LAMA3: variants seen among roughly 807,000 people sequenced by gnomAD.
LAMA3 encodes laminin subunit alpha 3.
Under a neutral mutation model 402.0 loss-of-function variants are expected in LAMA3, and 281 were observed. The ratio of observed to expected loss-of-function variants is 0.70; its 90% confidence interval spans 0.63 to 0.77. LAMA3 has a LOEUF of 0.77. Ranked by LOEUF, LAMA3 falls within the 30% of genes least tolerant of loss-of-function variation. LAMA3 has a pLI of 0.00. For synonymous variants in LAMA3, 1,431 were observed against 1,558.4 expected (o/e 0.92, Z 1.93); for missense variants, 3,840 against 4,215.5 (o/e 0.91, Z 2.47).
intron 29 of LAMA3, 40 bp from the exon 30 acceptor site, chr18:23,844,969 T>A (rs749321682): frequency 8.8e-7 from 1 of 1,132,556 alleles, no homozygotes; most frequent in Non-Finnish European, 1.3e-6. Context: ...GTCTGTGTCA[T>A]CATTGGAAAT....
At chr18:23,836,920 G>C in intron 24 of LAMA3, 61 bp from the exon 25 acceptor site, 1 of 1,195,842 alleles carries the variant, frequency 8.4e-7, no homozygotes, top group Non-Finnish European at 1.2e-6. Flanking sequence ...AACCCAGAAG[G>C]ATGTGCAGAA....
At chr18:23,944,628 G>A (rs2082642167) in intron 69 of LAMA3, among the ~76,000 whole-genome samples, 1 of 152,210 alleles carries the variant, frequency 6.6e-6, no homozygotes, top group African/African-American at 2.4e-5. Flanking sequence ...GGTACAGCAG[G>A]TGGTAGTCAC....
intron 20 of LAMA3, 86 bp downstream of exon 20, chr18:23,822,461 C>T: frequency 7.0e-7 from 1 of 1,426,024 alleles, no homozygotes; most frequent in Non-Finnish European, 9.8e-7. Flanking sequence ...CAAAGTTGAT[C>T]ACCCTTAGAA....
intron 10 of LAMA3, 33 bp downstream of exon 10, chr18:23,775,956 T>G (rs1598768014): frequency 6.2e-6 from 10 of 1,612,514 alleles, no homozygotes; most frequent in Non-Finnish European, 8.5e-6. Flanking sequence ...GAGGCCACCC[T>G]TTTTGGTCCA....
intron 64 of LAMA3, 148 bp downstream of exon 64, chr18:23,928,913 C>T (rs1319020300): frequency 1.4e-5 from 11 of 784,592 alleles, no homozygotes; most frequent in South Asian, 6.0e-5. Context: ...CAACCATAAA[C>T]GTTATTCCCC....
At chr18:23,741,755 G>A (rs998157176) in intron 2 of LAMA3, among the ~76,000 whole-genome samples, 4 of 152,150 alleles carry the variant, frequency 2.6e-5, no homozygotes. Flanking sequence ...TTTGAAGCAA[G>A]TGATGAAACT....
rs748348773 is a variant in LAMA3 at position 23,740,956 on chromosome 18, C to CT, written c.448-6972dup. ...ACTCCTTAGACCTAAACCAAGCACA[C>CT]TTTTTTTTTTTTTTTGAGACAGAGT... On this transcript the variant is annotated intron_variant, in intron 2 of 74. Transcript: ENST00000313654. Among the ~76,000 whole-genome samples, 380 of 141,720 alleles carry CT rather than the reference C, an allele frequency of 2.7e-3. 1 individual carries two copies. Among genetic ancestry groups the CT allele is most frequent in the Admixed American group, 4.5e-3 (63 of 14,058 alleles). 93.0% of individuals were successfully genotyped at this position (141,720 alleles called of 152,430 possible).
Position 23,867,889 on chromosome 18 carries a change from T to C in LAMA3, c.4739T>C (p.Leu1580Pro), listed in dbSNP as rs756194113. 1 of 1,614,004 alleles carries C rather than the reference T, an allele frequency of 6.2e-7. No individual in the cohort carries two copies. The highest frequency in any genetic ancestry group is 8.5e-7 in the Non-Finnish European group (1 of 1,179,984). The change falls in exon 37 of 75, where the codon CTG (leucine) becomes CCG (proline). Residue 1580 changes from leucine (L) to proline (P), a missense_variant. Transcript: ENST00000313654. ...ACAAACACCCCACGGCCAGACCGGC[T>C]GCATCATGGACGAGTGCACGTGGTC... Reference protein sequence around the residue: ...EETNTPRPDRLHHGRVHVVEG... With the variant: ...EETNTPRPDRPHHGRVHVVEG...
At chr18:23,877,375 T>C (rs560614440) in intron 39 of LAMA3, among the ~76,000 whole-genome samples, 7 of 152,362 alleles carry the variant, frequency 4.6e-5, no homozygotes, top group African/African-American at 1.7e-4. Context: ...ATTCTGCTTT[T>C]TTCTTTTGTT....
chr18:23,747,124 C>T (rs1405569385), intron 2 of LAMA3, among the ~76,000 whole-genome samples: 1 of 152,026 alleles, frequency 6.6e-6, no homozygotes, highest in Non-Finnish European at 1.5e-5. Flanking sequence ...AATCCTCACT[C>T]ATTAACACAT....
chr18:23,703,605 A>G (rs1015519646), intron 1 of LAMA3, among the ~76,000 whole-genome samples: 1 of 152,136 alleles, frequency 6.6e-6, no homozygotes, highest in Non-Finnish European at 1.5e-5. Flanking sequence ...ACAAACCTGC[A>G]TGTTGTGCAC....
At chr18:23,706,442 G>A (rs1442418226) in intron 1 of LAMA3, among the ~76,000 whole-genome samples, 2 of 152,112 alleles carry the variant, frequency 1.3e-5, no homozygotes, top group African/African-American at 2.4e-5. Flanking sequence ...CTCCTACTAT[G>A]TCTTTTCTAA....
intron 27 of LAMA3, 129 bp downstream of exon 27, chr18:23,840,058 C>G: frequency 1.0e-6 from 1 of 1,002,836 alleles, no homozygotes; most frequent in Non-Finnish European, 1.5e-6. Context: ...GTTGGAAGCT[C>G]TGGGGGTGGG....
At chr18:23,943,997 C>T in intron 69 of LAMA3, 26 bp downstream of exon 69, 1 of 1,607,014 alleles carries the variant, frequency 6.2e-7, no homozygotes, top group South Asian at 1.1e-5. Flanking sequence ...GTGTCAGTAT[C>T]TCCAGTTGGT....
chr18:23,913,916 A>G (rs1202447670), intron 56 of LAMA3, among the ~76,000 whole-genome samples: 1 of 152,230 alleles, frequency 6.6e-6, no homozygotes, highest in African/African-American at 2.4e-5. Flanking sequence ...AGTTTTATGG[A>G]TATTATGCCG....
chr18:23,694,531 T>C (rs553634214), intron 1 of LAMA3, among the ~76,000 whole-genome samples: 1 of 152,238 alleles, frequency 6.6e-6, no homozygotes, highest in South Asian at 2.1e-4. Context: ...ATGAAGGAGG[T>C]ACAATTAGCA....
intron 38 of LAMA3, chr18:23,873,349 C>G: frequency 1.2e-6 from 1 of 842,954 alleles, no homozygotes; most frequent in South Asian, 1.3e-5. Flanking sequence ...GTCACCTTGA[C>G]TGGCAGTGTT....
chr18:23,781,993 T>A (rs1403796152), intron 11 of LAMA3, among the ~76,000 whole-genome samples: 2 of 152,228 alleles, frequency 1.3e-5, no homozygotes, highest in African/African-American at 4.8e-5. Context: ...TGATTTACTG[T>A]GATTTTTTTC....
chr18:23,740,971 T>TG (rs1269587930), intron 2 of LAMA3, among the ~76,000 whole-genome samples: 2 of 150,762 alleles, frequency 1.3e-5, no homozygotes, highest in Non-Finnish European at 3.0e-5. Flanking sequence ...TTTTTTTTTT[T>TG]GAGACAGAGT....
Sources: gnomAD v4.1 joint callset for allele counts (sites outside exome capture counted in the v4.1 genomes callset) on GRCh38, gnomAD v4.1.1 for gene constraint, MANE v1.5 for transcripts, NCBI Gene and HGNC (gene_info 2026-07-23, HGNC 2026-07-21) for gene names.